CACNA2D4: variants seen among roughly 807,000 people sequenced by gnomAD.
CACNA2D4 encodes voltage-dependent calcium channel subunit alpha-2/delta-4.
In CACNA2D4, 157 loss-of-function variants were observed where a neutral mutation model predicts 163.8. That is an observed-to-expected ratio of 0.96 (90% confidence interval 0.84 to 1.09). The LOEUF (loss-of-function observed/expected upper bound fraction) is 1.09. CACNA2D4 is among the 50% of genes least tolerant of loss of function. The pLI is 0.00. For synonymous variants in CACNA2D4, 598 were observed against 586.9 expected (o/e 1.02, Z -0.27); for missense variants, 1,410 against 1,479.9 (o/e 0.95, Z 0.78).
chr12:1,831,124 G>C, intron 26 of CACNA2D4: 1 of 1,613,972 alleles, frequency 6.2e-7, no homozygotes, highest in East Asian at 2.2e-5. Context: ...CTGCCAAGCT[G>C]GGCTTTCGCC....
At chr12:1,863,406 C>T (rs1171723556) in intron 18 of CACNA2D4, among the ~76,000 whole-genome samples, 1 of 152,190 alleles carries the variant, frequency 6.6e-6, no homozygotes, top group Non-Finnish European at 1.5e-5. Flanking sequence ...TTTGCCTATT[C>T]TAGGTCCTCT....
At chr12:1,895,095 G>T (rs2190767) in intron 6 of CACNA2D4, among the ~76,000 whole-genome samples, 115,260 of 151,998 alleles carry the variant, frequency 0.76, 43,834 homozygotes, top group East Asian at 0.88. Context: ...TACCAATAAT[G>T]AACTAGCTGA....
chr12:1,800,832 A>G, intron 31 of CACNA2D4: 2 of 601,466 alleles, frequency 3.3e-6, no homozygotes, highest in Non-Finnish European at 5.9e-6. Context: ...CTACCAGAGC[A>G]GTCCCTCTGA....
At chr12:1,810,513 C>T (rs1373960095) in intron 28 of CACNA2D4, 30 bp downstream of exon 28, 4 of 1,551,702 alleles carry the variant, frequency 2.6e-6, no homozygotes, top group South Asian at 2.4e-5. Flanking sequence ...TGGCTCCCTC[C>T]TCCACCTTCC....
chr12:1,800,497 C>G (rs570591724), intron 31 of CACNA2D4, 59 bp from the exon 32 acceptor site: 354 of 1,545,322 alleles, frequency 2.3e-4, no homozygotes, highest in African/African-American at 1.7e-3. Flanking sequence ...GGTGCCCCCC[C>G]CCCACCACCA....
At chr12:1,884,567 C>T (rs577273350) in intron 11 of CACNA2D4, among the ~76,000 whole-genome samples, 1 of 152,070 alleles carries the variant, frequency 6.6e-6, no homozygotes, top group African/African-American at 2.4e-5. Context: ...GGTCCCTTAC[C>T]CCAAACTTCC....
intron 26 of CACNA2D4, among the ~76,000 whole-genome samples, chr12:1,833,000 C>T (rs554384394): frequency 1.6e-4 from 24 of 152,300 alleles, no homozygotes; most frequent in African/African-American, 5.1e-4. Flanking sequence ...TGCAGGCCAC[C>T]GAGGTGTCAG....
intron 37 of CACNA2D4, chr12:1,795,070 C>A (rs981577290): frequency 3.4e-6 from 2 of 584,930 alleles, no homozygotes; most frequent in African/African-American, 3.7e-5. Flanking sequence ...CAGGAAATAA[C>A]AAGCGTTTTA....
chr12:1,811,919 C>T lies in CACNA2D4; in HGVS notation c.2552-196G>A. ...AGGGGTGGGGGAAGAACAGAGACGG[C>T]AGCCTCTCTCGTTCCCACTGGAAGA... is the stretch of plus-strand genomic sequence containing the variant. On this transcript the variant is annotated intron_variant, in intron 26 of 37. Coordinates refer to ENST00000382722, the MANE Select transcript of CACNA2D4 (RefSeq NM_172364.5). 5.1e-6 allele frequency: 3 copies of T among 588,228 alleles called. 1 individual carries two copies. The South Asian group carries it at 6.3e-5, about 12-fold the overall frequency. The allele number at this position is 588,228 out of a possible 1,614,324, so 36.4% of individuals were successfully genotyped here.
At chr12:1,873,717 G>A (rs1865830654) in intron 18 of CACNA2D4, among the ~76,000 whole-genome samples, 2 of 152,220 alleles carry the variant, frequency 1.3e-5, no homozygotes, top group Admixed American at 1.3e-4. Flanking sequence ...AGGAACAGCT[G>A]CCACTGGTGG....
chr12:1,799,834 G>T lies in CACNA2D4; in HGVS notation c.2975-139C>A. 7.7e-7 allele frequency: 1 copy of T among 1,301,686 alleles called. No individual in the cohort carries two copies. The highest frequency in any genetic ancestry group is 1.1e-6 in the Non-Finnish European group (1 of 923,886). The allele number at this position is 1,301,686 out of a possible 1,614,324, so 80.6% of individuals were successfully genotyped here. A position where few individuals can be genotyped will look rare whatever the true frequency, so the allele number is the denominator to read the frequency against. On this transcript the variant is annotated intron_variant, in intron 33 of 37. Coordinates refer to ENST00000382722, the MANE Select transcript of CACNA2D4 (RefSeq NM_172364.5). The surrounding 1 kb of genome is among the most constrained non-coding windows in gnomAD (Gnocchi z 4.7). Reference sequence around the variant, plus strand: ...AAGATGATGTCACACACAGAGCCAGGAGTGAGGGATGTGATGAGAGAAGGC... The same window carrying T: ...AAGATGATGTCACACACAGAGCCAGTAGTGAGGGATGTGATGAGAGAAGGC...
chr12:1,868,245 G>T (rs1865696315), intron 18 of CACNA2D4, among the ~76,000 whole-genome samples: 2 of 152,130 alleles, frequency 1.3e-5, no homozygotes, highest in Admixed American at 1.3e-4. Flanking sequence ...AAATTGTAGT[G>T]CTTATAAATA....
chr12:1,828,066 C>T lies in CACNA2D4; in HGVS notation c.2551+12673G>A. On this transcript the variant is annotated intron_variant, in intron 26 of 37. Coordinates refer to ENST00000382722, the MANE Select transcript of CACNA2D4 (RefSeq NM_172364.5). This position sits in a 1 kb window ranked among gnomAD's most constrained non-coding sequence, Gnocchi z 4.2. ...CGCCTGCCTGTGCTCAGTGCTCCTC[C>T]CTCCCTCAGGACTGACAGGCGGCGC... 2 of 1,334,724 alleles carry T rather than the reference C, an allele frequency of 1.5e-6. No individual in the cohort carries two copies. Among genetic ancestry groups the T allele is most frequent in the Non-Finnish European group, 2.0e-6 (2 of 1,008,270 alleles). 82.7% of individuals were successfully genotyped at this position (1,334,724 alleles called of 1,614,324 possible).
intron 26 of CACNA2D4, among the ~76,000 whole-genome samples, chr12:1,826,408 C>CG (rs1433632144): frequency 2.5e-4 from 15 of 60,124 alleles, no homozygotes; most frequent in South Asian, 7.2e-4. Context: ...GAGCCCCCCC[C>CG]CCCCCCCCGC....
chr12:1,843,001 G>C lies in CACNA2D4; in HGVS notation c.2470+1401C>G, dbSNP rs940465452. Among the ~76,000 whole-genome samples the C allele has an allele frequency of 6.6e-6, 1 of 152,170 alleles. No homozygotes were observed. The highest frequency in any genetic ancestry group is 2.4e-5 in the African/African-American group (1 of 41,452). On this transcript the variant is annotated intron_variant, in intron 25 of 37. Transcript: ENST00000382722. The surrounding 1 kb of genome is among the most constrained non-coding windows in gnomAD (Gnocchi z 4.6). ...TGGCTCTGTGGCTCCCTTGCTGTGT[G>C]ACCCCGGGCAAGTTACAGAACCTCT...
chr12:1,859,251 C>T (rs549760654), intron 19 of CACNA2D4, among the ~76,000 whole-genome samples: 22 of 151,988 alleles, frequency 1.4e-4, no homozygotes, highest in African/African-American at 4.1e-4. Context: ...CCCAGGTACT[C>T]GGGAGGCTGA....
intron 35 of CACNA2D4, among the ~76,000 whole-genome samples, chr12:1,797,084 G>A (rs1397183833): frequency 3.3e-5 from 5 of 152,240 alleles, no homozygotes; most frequent in African/African-American, 9.6e-5. Context: ...ACCCGCCGAA[G>A]GGCCCACTCG....
At position 1,875,565 on chromosome 12, in the gene CACNA2D4, A is replaced by G. The variant is rs1457031721; in HGVS notation, c.1720-228T>C. Among the ~76,000 whole-genome samples the G allele has an allele frequency of 6.6e-6, 1 of 152,018 alleles. No homozygotes were observed. The highest frequency in any genetic ancestry group is 1.5e-5 in the Non-Finnish European group (1 of 67,978). On this transcript the variant is annotated intron_variant, in intron 16 of 37. Transcript: ENST00000382722. This position sits in a 1 kb window ranked among gnomAD's most constrained non-coding sequence, Gnocchi z 4.0. The stretch of plus-strand genomic sequence containing the variant: ...CACGGCCTCTGAGTGAATCTTCCCC[A>G]TGGCAGGGAGCTCCCTATCTCGTGG...
rs988737739 is a variant in CACNA2D4 at position 1,799,414 on chromosome 12, T to C, written c.2995+261A>G. 6.6e-6 allele frequency among the ~76,000 whole-genome samples: 1 copy of C among 152,192 alleles called. No homozygotes were observed. The highest frequency in any genetic ancestry group is 2.4e-5 in the African/African-American group (1 of 41,452). ...TGGCCACCCGGCCACACCACCGGCT[T>C]CCTCTTGGAATCTTACGTGTTCTCA... On this transcript the variant is annotated intron_variant, in intron 34 of 37. Transcript: ENST00000382722. The surrounding 1 kb of genome is among the most constrained non-coding windows in gnomAD (Gnocchi z 4.7).
Sources: allele counts gnomAD v4.1 joint callset (sites outside exome capture counted in the v4.1 genomes callset), GRCh38; gene constraint gnomAD v4.1.1; non-coding constraint Gnocchi (gnomAD v3.1); transcripts MANE v1.5; gene names NCBI Gene and HGNC (gene_info 2026-07-23, HGNC 2026-07-21).